Variants in ZSWIM6 observed in about 807,000 individuals in gnomAD.
ZSWIM6 encodes zinc finger SWIM-type containing 6, also known as zinc finger SWIM domain-containing protein 6.
Under a neutral mutation model 113.2 loss-of-function variants are expected in ZSWIM6, and 9 were observed. The ratio of observed to expected loss-of-function variants is 0.08; its 90% CI spans 0.05 to 0.14. The LOEUF is 0.14. ZSWIM6 is among the 10% of genes least tolerant of loss of function. The pLI is 1.00. For missense variants in ZSWIM6, 1,162 were observed against 1,552.2 expected (o/e 0.75, Z 4.22); for synonymous variants, 611 against 606.5 (o/e 1.01, Z -0.11).
intron 1 of ZSWIM6, chr5:61,390,817 T>C: frequency 1.3e-6 from 1 of 799,910 alleles, no homozygotes; most frequent in East Asian, 2.4e-5. Context: ...CGCCGTTTGG[T>C]TGGCACTGGC....
At chr5:61,420,444 A>G (rs1746332644) in intron 1 of ZSWIM6, among the ~76,000 whole-genome samples, 1 of 152,220 alleles carries the variant, frequency 6.6e-6, no homozygotes. Flanking sequence ...AAGGTTTTAA[A>G]ATGTTCTCCA....
At chr5:61,416,615 G>A (rs1746261452) in intron 1 of ZSWIM6, among the ~76,000 whole-genome samples, 1 of 152,208 alleles carries the variant, frequency 6.6e-6, no homozygotes, top group Non-Finnish European at 1.5e-5. Context: ...ATCCCTGTAG[G>A]TCCATCCCTC....
intron 1 of ZSWIM6, among the ~76,000 whole-genome samples, chr5:61,343,241 CTG>C (rs1304682501): frequency 1.3e-5 from 2 of 152,136 alleles, no homozygotes; most frequent in African/African-American, 4.8e-5. Flanking sequence ...CTCTTACTAA[CTG>C]AATAAGCTGA....
chr5:61,531,588 G>A lies in ZSWIM6; in HGVS notation c.2108G>A (p.Arg703His), dbSNP rs995265434. The change falls in exon 9 of 14, where the codon CGT becomes CAT. Residue 703 changes from arginine to histidine, a missense_variant. Arg to His is a conservative substitution (Grantham distance 29). Around this residue, in one of 4 missense-constraint regions of ZSWIM6, gnomAD observed 620 missense variants for 804.6 expected, o/e 0.77. Coordinates refer to ENST00000252744, the MANE Select transcript of ZSWIM6 (RefSeq NM_020928.2). The stretch of plus-strand genomic sequence containing the variant: ...GCCCTGATAGGGCTAGGACAGCAGC[G>A]TATCATGCCTGATGGGCTGTACACA... Reference protein sequence around the residue: ...EVALIGLGQQRIMPDGLYTQE... With the variant: ...EVALIGLGQQHIMPDGLYTQE... 1.6e-5 allele frequency: 25 copies of A among 1,551,588 alleles called. No homozygotes were observed. Among genetic ancestry groups the A allele is most frequent in the Non-Finnish European group, 2.0e-5 (23 of 1,146,988 alleles).
intron 1 of ZSWIM6, among the ~76,000 whole-genome samples, chr5:61,465,731 A>G (rs1747419557): frequency 6.6e-6 from 1 of 152,218 alleles, no homozygotes; most frequent in African/African-American, 2.4e-5. Flanking sequence ...TGTGGTTTAC[A>G]GTCTGGCCTT....
chr5:61,518,182 G>C (rs13159445), intron 4 of ZSWIM6, among the ~76,000 whole-genome samples: 82 of 149,264 alleles, frequency 5.5e-4, no homozygotes, highest in African/African-American at 1.5e-3. Context: ...TTAATCCAGT[G>C]TATGATTGTT....
At chr5:61,507,639 G>A (rs1429993423) in intron 4 of ZSWIM6, among the ~76,000 whole-genome samples, 1 of 152,082 alleles carries the variant, frequency 6.6e-6, no homozygotes, top group Non-Finnish European at 1.5e-5. Context: ...CTGAAAAATT[G>A]CAGTTTTCTT....
At chr5:61,481,186 A>G (rs1351858947) in intron 2 of ZSWIM6, among the ~76,000 whole-genome samples, 1 of 152,186 alleles carries the variant, frequency 6.6e-6, no homozygotes, top group Non-Finnish European at 1.5e-5. Context: ...ATAAAATAAA[A>G]TAAAGCACTA....
At chr5:61,490,301 T>C (rs1748145425) in intron 2 of ZSWIM6, among the ~76,000 whole-genome samples, 1 of 152,096 alleles carries the variant, frequency 6.6e-6, no homozygotes, top group Non-Finnish European at 1.5e-5. Context: ...TTCGGTTTTC[T>C]GCAACTAAAG....
chr5:61,513,767 A>G (rs986369843), intron 4 of ZSWIM6, among the ~76,000 whole-genome samples: 3 of 152,038 alleles, frequency 2.0e-5, no homozygotes, highest in Non-Finnish European at 4.4e-5. Flanking sequence ...CCTTGAATTG[A>G]CTATATTTGT....
At position 61,530,074 on chromosome 5, in the gene ZSWIM6, C is replaced by T; in HGVS notation, c.1860C>T (p.Thr620=). The change falls in exon 8 of 14, where the codon ACC becomes ACT. Residue 620 remains threonine, a synonymous_variant. Coordinates refer to ENST00000252744, the MANE Select transcript of ZSWIM6 (RefSeq NM_020928.2). Reference sequence around the variant, plus strand: ...CAGAGCTACCCCATAAAAACATAACCTCGATAACCAATCTGGAGGGCTGGG... The same window carrying T: ...CAGAGCTACCCCATAAAAACATAACTTCGATAACCAATCTGGAGGGCTGGG... The part of the protein sequence containing the change: ...QKKELPHKNI[T]SITNLEGWVG... The T allele has an allele frequency of 6.4e-7, 1 of 1,551,314 alleles. No individual in the cohort carries two copies. The highest frequency in any genetic ancestry group is 1.7e-4 in the Middle Eastern group (1 of 5,990).
chr5:61,415,254 A>G (rs1486059343), intron 1 of ZSWIM6, among the ~76,000 whole-genome samples: 2 of 152,210 alleles, frequency 1.3e-5, no homozygotes, highest in Non-Finnish European at 2.9e-5. Context: ...TTCATATATC[A>G]AGAAGGGAGT....
intron 1 of ZSWIM6, among the ~76,000 whole-genome samples, chr5:61,470,288 GA>G (rs1747535607): frequency 6.6e-6 from 1 of 152,196 alleles, no homozygotes; most frequent in African/African-American, 2.4e-5. Context: ...TTCCTATTAA[GA>G]TAACCGGTTT....
chr5:61,479,032 A>C (rs1246308064), intron 2 of ZSWIM6, among the ~76,000 whole-genome samples: 1 of 151,986 alleles, frequency 6.6e-6, no homozygotes, highest in African/African-American at 2.4e-5. Flanking sequence ...TTAGTCGGGC[A>C]TGGTGGCGTG....
intron 5 of ZSWIM6, 26 bp from the exon 6 acceptor site, chr5:61,525,774 G>A (rs771382533): frequency 1.7e-5 from 27 of 1,550,664 alleles, no homozygotes; most frequent in Middle Eastern, 1.7e-4. Context: ...TAGCTGACAC[G>A]GCTTTCTGAA....
At chr5:61,511,221 C>G (rs961201776) in intron 4 of ZSWIM6, among the ~76,000 whole-genome samples, 9 of 151,964 alleles carry the variant, frequency 5.9e-5, no homozygotes, top group African/African-American at 2.2e-4. Context: ...AAGAATGTTG[C>G]AAGCAAATTA....
chr5:61,420,704 A>G (rs1746338665), intron 1 of ZSWIM6, among the ~76,000 whole-genome samples: 1 of 152,140 alleles, frequency 6.6e-6, no homozygotes, highest in South Asian at 2.1e-4. Flanking sequence ...GTGAGTATGT[A>G]TATTTATGGA....
In ZSWIM6 at chr5:61,534,470, T is replaced by C. The variant is rs543244871; in HGVS notation, c.2246-1014T>C. Among the ~76,000 whole-genome samples, 19 of 152,312 alleles carry C rather than the reference T, an allele frequency of 1.2e-4. No individual in the cohort carries two copies. The South Asian group carries it at 3.9e-3, about 32-fold the overall frequency. ...ACTGCATTTCTTGCATTCTAAACTCTTCACCACACTGGTTTTTCTCATGGA... is the reference window on the plus strand; with the variant it reads ...ACTGCATTTCTTGCATTCTAAACTCCTCACCACACTGGTTTTTCTCATGGA... On this transcript the variant is annotated intron_variant, in intron 9 of 13. Coordinates refer to ENST00000252744, the MANE Select transcript of ZSWIM6 (RefSeq NM_020928.2).
At chr5:61,434,627 C>T (rs1746664093) in intron 1 of ZSWIM6, among the ~76,000 whole-genome samples, 1 of 152,062 alleles carries the variant, frequency 6.6e-6, no homozygotes, top group African/African-American at 2.4e-5. Flanking sequence ...TATTTCGTTT[C>T]TTTTTATGGC....
Sources: gnomAD v4.1 joint callset for allele counts (sites outside exome capture counted in the v4.1 genomes callset) on GRCh38, gnomAD v4.1.1 for gene constraint, gnomAD v4.1.1 regional missense constraint, MANE v1.5 for transcripts, NCBI Gene and HGNC (gene_info 2026-07-23, HGNC 2026-07-21) for gene names.